The following NCAM2 variants were observed in gnomAD, a reference collection of about 807,000 sequenced individuals.
The protein encoded by NCAM2 is N-CAM-2.
In NCAM2, 30 loss-of-function variants were observed where a neutral mutation model predicts 98.1. That is an observed-to-expected ratio of 0.31 (90% CI 0.23 to 0.41). The LOEUF is 0.41. Among genes scored for constraint, NCAM2 ranks in the 10% least tolerant of loss-of-function variants. The probability of loss-of-function intolerance (pLI) is 1.00; values close to 1 mark genes in which losing one functional copy is unlikely to be tolerated. For missense variants in NCAM2, 867 were observed against 1,005.8 expected, an observed-to-expected ratio of 0.86 and a Z score of 1.87; for synonymous variants, 368 against 342.4, an observed-to-expected ratio of 1.07 and a Z score of -0.83.
chr21:21,340,772 G>T (rs2147886284), intron 8 of NCAM2, among the ~76,000 whole-genome samples: 1 of 151,986 alleles, frequency 6.6e-6, no homozygotes, highest in African/African-American at 2.4e-5. Flanking sequence ...TTGAAGTAAA[G>T]TTTATCTAGT....
intron 12 of NCAM2, among the ~76,000 whole-genome samples, chr21:21,449,994 C>T (rs942983076): frequency 6.6e-6 from 1 of 151,944 alleles, no homozygotes; most frequent in East Asian, 1.9e-4. Flanking sequence ...ATCTTTTAAA[C>T]TAATGTACTG....
chr21:21,004,681 C>T (rs374003230), intron 1 of NCAM2, among the ~76,000 whole-genome samples: 7 of 152,156 alleles, frequency 4.6e-5, no homozygotes, highest in East Asian at 1.9e-4. Context: ...GAGTCCTTAG[C>T]GGTTTAGTGC....
intron 9 of NCAM2, among the ~76,000 whole-genome samples, chr21:21,397,716 C>G (rs1037615226): frequency 6.6e-6 from 1 of 152,218 alleles, no homozygotes; most frequent in East Asian, 1.9e-4. Context: ...AGGGCTCCCA[C>G]CCCACCTACT....
At chr21:21,226,004 T>C (rs1601699367) in intron 1 of NCAM2, among the ~76,000 whole-genome samples, 1 of 152,206 alleles carries the variant, frequency 6.6e-6, no homozygotes, top group East Asian at 1.9e-4. Context: ...ATGTCCTTTG[T>C]GGCAACATGG....
intron 1 of NCAM2, among the ~76,000 whole-genome samples, chr21:21,103,308 T>C (rs2066282281): frequency 1.3e-5 from 2 of 152,062 alleles, no homozygotes; most frequent in African/African-American, 4.8e-5. Context: ...TTTTCATTTC[T>C]TGATCTGAGT....
intron 1 of NCAM2, among the ~76,000 whole-genome samples, chr21:21,259,865 C>T (rs112975765): frequency 2.7e-5 from 4 of 148,600 alleles, no homozygotes; most frequent in African/African-American, 9.9e-5. Flanking sequence ...ACAGTCATAC[C>T]CTCAAGGAAC....
intron 1 of NCAM2, among the ~76,000 whole-genome samples, chr21:21,115,785 C>T (rs2066541525): frequency 6.6e-6 from 1 of 152,040 alleles, no homozygotes; most frequent in Admixed American, 6.6e-5. Flanking sequence ...ATTATAAGTT[C>T]AAAACAGTGG....
chr21:21,442,138 G>A (rs963305321), intron 12 of NCAM2, among the ~76,000 whole-genome samples: 2 of 152,178 alleles, frequency 1.3e-5, no homozygotes, highest in East Asian at 3.9e-4. Flanking sequence ...GGGGTGTTTT[G>A]TGTAGAGTAT....
At chr21:21,182,216 A>G (rs1639793382) in intron 1 of NCAM2, among the ~76,000 whole-genome samples, 1 of 152,144 alleles carries the variant, frequency 6.6e-6, no homozygotes, top group African/African-American at 2.4e-5. Context: ...TGGTATTGAT[A>G]TAAACCTTCC....
At chr21:21,481,971 G>A (rs562324301) in intron 15 of NCAM2, among the ~76,000 whole-genome samples, 3 of 152,030 alleles carry the variant, frequency 2.0e-5, no homozygotes, top group African/African-American at 7.2e-5. Context: ...GGTGACACCC[G>A]CCTGTAATCC....
chr21:21,511,281 C>T (rs1013421280), intron 16 of NCAM2, among the ~76,000 whole-genome samples: 1 of 152,002 alleles, frequency 6.6e-6, no homozygotes, highest in Admixed American at 6.6e-5. Flanking sequence ...TTCCCCCTTC[C>T]TTGTTACCTT....
intron 9 of NCAM2, among the ~76,000 whole-genome samples, chr21:21,392,755 A>G (rs1337619770): frequency 6.6e-6 from 1 of 152,160 alleles, no homozygotes. Context: ...TCCTCTTTTG[A>G]GAAGTGTCTG....
intron 12 of NCAM2, among the ~76,000 whole-genome samples, chr21:21,456,980 A>G (rs4321452): frequency 0.072 from 10,889 of 152,260 alleles, 621 homozygotes; most frequent in African/African-American, 0.15. Context: ...AGTCTAAGAT[A>G]TTCTCTTATA....
At chr21:21,119,938 T>G (rs911550645) in intron 1 of NCAM2, among the ~76,000 whole-genome samples, 2 of 152,216 alleles carry the variant, frequency 1.3e-5, no homozygotes, top group African/African-American at 2.4e-5. Flanking sequence ...TTGTTTTCAG[T>G]TTTTGTAAAA....
chr21:21,011,681 A>G (rs2064214176), intron 1 of NCAM2, among the ~76,000 whole-genome samples: 1 of 152,136 alleles, frequency 6.6e-6, no homozygotes. Flanking sequence ...CTTATTCAAC[A>G]GAATGAAAAG....
intron 12 of NCAM2, among the ~76,000 whole-genome samples, chr21:21,432,740 A>AT (rs556869393): frequency 3.9e-5 from 6 of 151,950 alleles, no homozygotes; most frequent in Non-Finnish European, 7.4e-5. Flanking sequence ...GTATTTTTAT[A>AT]TTTTTTTACT....
At chr21:21,052,149 C>CT (rs2065121901) in intron 1 of NCAM2, among the ~76,000 whole-genome samples, 3 of 109,932 alleles carry the variant, frequency 2.7e-5, no homozygotes, top group Admixed American at 1.2e-4. Context: ...TCATGATGGC[C>CT]ATTTTTTTTT....
chr21:21,509,849 C>T (rs922410745), intron 16 of NCAM2, among the ~76,000 whole-genome samples: 4 of 152,064 alleles, frequency 2.6e-5, no homozygotes, highest in African/African-American at 9.7e-5. Flanking sequence ...CAAACATATG[C>T]ACACACGTTT....
chr21:21,518,097 T>A (rs1175292214), intron 16 of NCAM2, among the ~76,000 whole-genome samples: 1 of 152,154 alleles, frequency 6.6e-6, no homozygotes, highest in Non-Finnish European at 1.5e-5. Flanking sequence ...TATGTAAAAT[T>A]ACCCTTATAA....
Sources: gnomAD v4.1 joint callset for allele counts (sites outside exome capture counted in the v4.1 genomes callset) on GRCh38, gnomAD v4.1.1 for gene constraint, MANE v1.5 for transcripts, NCBI Gene and HGNC (gene_info 2026-07-23, HGNC 2026-07-21) for gene names.